The following ARID2 variants were observed in gnomAD, a reference collection of about 807,000 sequenced individuals.
ARID2 encodes the protein AT-rich interaction domain 2.
Under a neutral mutation model 184.6 loss-of-function variants are expected in ARID2, and 32 were observed. The ratio of observed to expected loss-of-function variants is 0.17; its 90% CI spans 0.13 to 0.23. The LOEUF (loss-of-function observed/expected upper bound fraction) is 0.23, where lower values mean the gene tolerates loss of function less well. ARID2 is among the 10% of genes least tolerant of loss of function. The pLI, the probability that ARID2 is intolerant of heterozygous loss-of-function variation, is 1.00. For synonymous variants in ARID2, 836 were observed against 772.6 expected (o/e 1.08, Z -1.36); for missense variants, 1,696 against 2,197.6 (o/e 0.77, Z 4.56).
chr12:45,867,870 C>T (rs567156177), intron 16 of ARID2, among the ~76,000 whole-genome samples: 27 of 152,026 alleles, frequency 1.8e-4, no homozygotes, highest in South Asian at 1.7e-3. Flanking sequence ...GGATTACAGG[C>T]ATGAGCCACT....
At chr12:45,761,906 C>T (rs1027053460) in intron 3 of ARID2, among the ~76,000 whole-genome samples, 1 of 151,962 alleles carries the variant, frequency 6.6e-6, no homozygotes, top group Non-Finnish European at 1.5e-5. Flanking sequence ...ATCTTTTTGT[C>T]GCTTTCTGAG....
intron 16 of ARID2, among the ~76,000 whole-genome samples, chr12:45,861,615 C>T (rs553512991): frequency 5.8e-4 from 80 of 137,098 alleles, no homozygotes; most frequent in African/African-American, 2.0e-3. Context: ...AACAGAGTCT[C>T]GCTCTGTTGT....
chr12:45,869,809 G>T (rs1287144163), intron 16 of ARID2, among the ~76,000 whole-genome samples: 2 of 151,920 alleles, frequency 1.3e-5, no homozygotes, highest in African/African-American at 4.8e-5. Flanking sequence ...CTTGAACCGG[G>T]GAGGTGGAGG....
chr12:45,890,904 T>C (rs562896419), intron 16 of ARID2, among the ~76,000 whole-genome samples: 1 of 152,174 alleles, frequency 6.6e-6, no homozygotes, highest in African/African-American at 2.4e-5. Flanking sequence ...CTGTGGCTCA[T>C]ACCTGTAATC....
intron 3 of ARID2, among the ~76,000 whole-genome samples, chr12:45,760,766 T>G (rs1278279122): frequency 1.3e-5 from 2 of 152,144 alleles, no homozygotes; most frequent in African/African-American, 4.8e-5. Context: ...TGGTTCATAT[T>G]TTTTAGGTAC....
chr12:45,897,634 G>A (rs1944386689), intron 20 of ARID2, among the ~76,000 whole-genome samples: 1 of 151,988 alleles, frequency 6.6e-6, no homozygotes, highest in Admixed American at 6.6e-5. Flanking sequence ...TTGAAGGCAG[G>A]GAATTGAAAG....
intron 6 of ARID2, among the ~76,000 whole-genome samples, chr12:45,822,858 C>T (rs934806403): frequency 2.0e-5 from 3 of 152,042 alleles, no homozygotes; most frequent in Non-Finnish European, 4.4e-5. Flanking sequence ...AAAAAGAGAC[C>T]CCAATACAAT....
chr12:45,843,631 G>A (rs1286763486), intron 11 of ARID2, among the ~76,000 whole-genome samples: 1 of 152,108 alleles, frequency 6.6e-6, no homozygotes, highest in Admixed American at 6.5e-5. Context: ...TGCAGATGCT[G>A]CAGTCCAGGG....
rs148638354 is a variant in ARID2 at position 45,741,437 on chromosome 12, A to G, written c.284+10123A>G. On this transcript the variant is annotated intron_variant, in intron 3 of 20. Transcript: ENST00000334344. ...GGTCTCAAACTTCTGGGCTTAAGCAATCCATTTGCATTGGCCTCCAAAGTG... is the reference window on the plus strand; with the variant it reads ...GGTCTCAAACTTCTGGGCTTAAGCAGTCCATTTGCATTGGCCTCCAAAGTG... Among the ~76,000 whole-genome samples the G allele has an allele frequency of 2.5e-3, 382 of 152,244 alleles. 1 individual carries two copies. Among genetic ancestry groups the G allele is most frequent in the Non-Finnish European group, 4.1e-3 (278 of 68,022 alleles).
chr12:45,866,608 C>G (rs1003244768), intron 16 of ARID2, among the ~76,000 whole-genome samples: 4 of 152,110 alleles, frequency 2.6e-5, no homozygotes, highest in African/African-American at 9.7e-5. Flanking sequence ...CCTGGCTACT[C>G]AAAACTGAGG....
Position 45,731,288 on chromosome 12 carries a change from C to A in ARID2, c.258C>A (p.Ala86=), listed in dbSNP as rs2137962952. The A allele has an allele frequency of 6.2e-7, 1 of 1,613,818 alleles. No homozygotes were observed. Among genetic ancestry groups the A allele is most frequent in the Non-Finnish European group, 8.5e-7 (1 of 1,179,790 alleles). ...TTCCCAGAAGTTGTTCTAACGCTGC[C>A]TTTGCTTTAAAACAGTATTACTTGC... is the stretch of plus-strand genomic sequence containing the variant. The part of the protein sequence containing the change: ...FNFPRSCSNA[A]FALKQYYLRY... Residue 86 remains alanine, a synonymous_variant, in exon 3 of 21, where the codon GCC becomes GCA. Coordinates refer to ENST00000334344, the MANE Select transcript of ARID2 (RefSeq NM_152641.4).
intron 3 of ARID2, among the ~76,000 whole-genome samples, chr12:45,794,753 C>G (rs1478775302): frequency 6.6e-6 from 1 of 152,094 alleles, no homozygotes; most frequent in Non-Finnish European, 1.5e-5. Flanking sequence ...TTCATTTGGC[C>G]AGAGCATTCA....
At chr12:45,811,123 G>A (rs1331647846) in intron 3 of ARID2, among the ~76,000 whole-genome samples, 3 of 151,774 alleles carry the variant, frequency 2.0e-5, no homozygotes, top group Non-Finnish European at 4.4e-5. Context: ...GCAGGAGAAT[G>A]GCGTGATCCC....
In ARID2 at chr12:45,852,513, C is replaced by T. The variant is rs760589011; in HGVS notation, c.4390C>T (p.Arg1464Cys). The change falls in exon 15 of 21, where the codon CGC becomes TGC. Residue 1464 changes from arginine (R) to cysteine (C), a missense_variant. Transcript: ENST00000334344. ...TTTGAATTCAGATGTGCCTCAGCAA[C>T]GCCCAAGTGTAGTTGTCTCACCACA... ...SSLNSDVPQQ[R>C]PSVVVSPHST... 2.9e-5 allele frequency: 47 copies of T among 1,614,028 alleles called. No individual in the cohort carries two copies. Among genetic ancestry groups the T allele is most frequent in the East Asian group, 1.3e-4 (6 of 44,892 alleles).
At chr12:45,786,124 T>C (rs750893936) in intron 3 of ARID2, among the ~76,000 whole-genome samples, 5 of 152,236 alleles carry the variant, frequency 3.3e-5, no homozygotes, top group Non-Finnish European at 4.4e-5. Flanking sequence ...CTGTGATTCA[T>C]ATTTATAAAT....
At chr12:45,898,666 G>A (rs879842977) in intron 20 of ARID2, among the ~76,000 whole-genome samples, 3 of 152,066 alleles carry the variant, frequency 2.0e-5, no homozygotes, top group Non-Finnish European at 2.9e-5. Flanking sequence ...CTATAATCCC[G>A]GCACTTTGGG....
chr12:45,789,012 C>G (rs901937480), intron 3 of ARID2, among the ~76,000 whole-genome samples: 2 of 151,802 alleles, frequency 1.3e-5, no homozygotes, highest in African/African-American at 4.8e-5. Flanking sequence ...TTCAGACAAG[C>G]CTGATAATCT....
chr12:45,831,895 T>C (rs1290954232), intron 6 of ARID2, among the ~76,000 whole-genome samples: 1 of 152,234 alleles, frequency 6.6e-6, no homozygotes, highest in African/African-American at 2.4e-5. Flanking sequence ...ACATTATGTA[T>C]GAAACTTAGC....
intron 6 of ARID2, among the ~76,000 whole-genome samples, chr12:45,824,420 T>C (rs1942956360): frequency 6.6e-6 from 1 of 151,990 alleles, no homozygotes; most frequent in African/African-American, 2.4e-5. Flanking sequence ...TTGGAAGTCC[T>C]AGCCAAAGGA....
Sources: gnomAD v4.1 joint callset for allele counts (sites outside exome capture counted in the v4.1 genomes callset) on GRCh38, gnomAD v4.1.1 for gene constraint, MANE v1.5 for transcripts, NCBI Gene and HGNC (gene_info 2026-07-23, HGNC 2026-07-21) for gene names.